Variants in MPRIP observed in about 807,000 individuals in gnomAD.
MPRIP encodes myosin phosphatase Rho interacting protein, also known as myosin phosphatase Rho-interacting protein.
A neutral mutation model predicts 234.9 loss-of-function variants in MPRIP; 59 were observed. That is an observed-to-expected ratio of 0.25 (90% CI 0.20 to 0.31). MPRIP has a LOEUF of 0.31. Among genes scored for constraint, MPRIP ranks in the 10% least tolerant of loss-of-function variants. MPRIP has a pLI of 1.00. For missense variants in MPRIP, 2,436 were observed against 3,071.0 expected (o/e 0.79, Z 4.89); for synonymous variants, 1,144 against 1,263.9 (o/e 0.91, Z 2.01).
Position 17,190,715 on chromosome 17 carries a change from A to C in MPRIP, c.*5821A>C, listed in dbSNP as rs1234691182. The C allele has an allele frequency of 6.6e-6, 1 of 152,148 alleles. No individual in the cohort carries two copies. 9.4% of individuals were successfully genotyped at this position (152,148 alleles called of 1,614,324 possible). A position where few individuals can be genotyped will look rare whatever the true frequency, so the allele number is the denominator to read the frequency against. ...AGGGTAGGGGAGTCAGTAGCTCAAC[A>C]CTAGATCATCCCTAGAGATGGGGCA... On this transcript the variant is annotated 3_prime_UTR_variant, in exon 24 of 24. Transcript: ENST00000651222.
At chr17:17,050,306 C>T (rs930862946) in intron 1 of MPRIP, among the ~76,000 whole-genome samples, 2 of 107,906 alleles carry the variant, frequency 1.9e-5, no homozygotes, top group African/African-American at 6.9e-5. Flanking sequence ...TAGAGTGAGA[C>T]TCCGTCTCAA....
Position 17,164,367 on chromosome 17 carries a change from G to A in MPRIP, c.2776G>A (p.Asp926Asn), listed in dbSNP as rs1192722293. Residue 926 changes from aspartate (D) to asparagine (N), a missense_variant, in exon 16 of 24, where the codon GAC becomes AAC. This residue lies in a region of MPRIP where 1,998 missense variants were observed against 2,520.3 expected (regional missense o/e 0.79). Coordinates refer to ENST00000651222, the MANE Select transcript of MPRIP (RefSeq NM_001364716.4). ...GCAGGCGCTGGCCAAGCTCAAGGGC[G>A]ACCTGAAGCGGGAGCAGGGCCGGGT... ...KEQALAKLKG[D>N]LKREQGRVRE... The A allele has an allele frequency of 1.2e-5, 15 of 1,296,920 alleles. No individual in the cohort carries two copies. The highest frequency in any genetic ancestry group is 2.3e-5 in the Admixed American group (1 of 43,498). 80.3% of individuals were successfully genotyped at this position (1,296,920 alleles called of 1,614,324 possible).
chr17:17,085,127 G>A (rs915790330), intron 3 of MPRIP, among the ~76,000 whole-genome samples: 6 of 152,186 alleles, frequency 3.9e-5, no homozygotes, highest in Non-Finnish European at 8.8e-5. Context: ...TGTGTGGTGC[G>A]TGGAGCCCAA....
At position 17,042,743 on chromosome 17, in the gene MPRIP, C is replaced by T. The variant is rs1223175195; in HGVS notation, c.-106C>T. 1 of 847,634 alleles carries T rather than the reference C, an allele frequency of 1.2e-6. No homozygotes were observed. Among genetic ancestry groups the T allele is most frequent in the Non-Finnish European group, 1.3e-6 (1 of 766,276 alleles). 52.5% of individuals were successfully genotyped at this position (847,634 alleles called of 1,614,324 possible). A position where few individuals can be genotyped will look rare whatever the true frequency, so the allele number is the denominator to read the frequency against. ...AGGCCGGGCCGGGCCTGCGGCGGGGCCGGCGAGGGATGCGGCGCGGCCGCG... is the reference window on the plus strand; with the variant it reads ...AGGCCGGGCCGGGCCTGCGGCGGGGTCGGCGAGGGATGCGGCGCGGCCGCG... On this transcript the variant is annotated 5_prime_UTR_variant, in exon 1 of 24. Coordinates refer to ENST00000651222, the MANE Select transcript of MPRIP (RefSeq NM_001364716.4).
At chr17:17,126,577 C>T in intron 3 of MPRIP, 125 bp from the exon 4 acceptor site, 1 of 1,107,600 alleles carries the variant, frequency 9.0e-7, no homozygotes, top group Non-Finnish European at 1.3e-6. Flanking sequence ...GGAGCTGGGG[C>T]TGGAGTGAGG....
rs1247606407 is a variant in MPRIP at position 17,174,071 on chromosome 17, ACCAGGTGAGCCTGCAG to A, written c.6750+8_6750+23del. On this transcript the variant is annotated splice_donor_variant and splice_donor_5th_base_variant and coding_sequence_variant and intron_variant, in exon 19 of 24. Transcript: ENST00000651222. LOFTEE classifies it high-confidence loss of function. ...GAGAACCAGGAGCTCAATGCCCACA[ACCAGGTGAGCCTGCAG>A]CCAGGTGAGCCCAAGGTTAGTCAGG... 4 of 1,612,946 alleles carry A rather than the reference ACCAGGTGAGCCTGCAG, an allele frequency of 2.5e-6. No homozygotes were observed. Among genetic ancestry groups the A allele is most frequent in the South Asian group, 1.1e-5 (1 of 91,062 alleles).
At chr17:17,112,259 G>A (rs889262999) in intron 3 of MPRIP, among the ~76,000 whole-genome samples, 1 of 152,174 alleles carries the variant, frequency 6.6e-6, no homozygotes, top group East Asian at 1.9e-4. Context: ...TCTCTGTCGG[G>A]ATCTCCCAGG....
rs2046175239 is a variant in MPRIP at position 17,172,886 on chromosome 17, C to T, written c.6590+71C>T. 3 of 1,385,946 alleles carry T rather than the reference C, an allele frequency of 2.2e-6. No individual in the cohort carries two copies. The East Asian group carries it at 6.9e-5, about 32-fold the overall frequency. 85.9% of individuals were successfully genotyped at this position (1,385,946 alleles called of 1,614,324 possible). A position where few individuals can be genotyped will look rare whatever the true frequency, so the allele number is the denominator to read the frequency against. ...GGGTGCTGACCAGGCCACAGCTGGG[C>T]CCTTCCTGTGTCTTTGCAGAGGCCT... On this transcript the variant is annotated intron_variant, in intron 18 of 23. Coordinates refer to ENST00000651222, the MANE Select transcript of MPRIP (RefSeq NM_001364716.4).
At chr17:17,116,880 G>A (rs1202207718) in intron 3 of MPRIP, among the ~76,000 whole-genome samples, 1 of 152,238 alleles carries the variant, frequency 6.6e-6, no homozygotes, top group Non-Finnish European at 1.5e-5. Flanking sequence ...CAAGGCAAGG[G>A]CCAGAGAGGC....
chr17:17,069,346 T>A (rs914425747), intron 1 of MPRIP, among the ~76,000 whole-genome samples: 2 of 152,216 alleles, frequency 1.3e-5, no homozygotes, highest in African/African-American at 4.8e-5. Context: ...TTGTAGACAG[T>A]GTACAGTTGA....
intron 23 of MPRIP, chr17:17,182,850 C>G (rs1044370040): frequency 6.6e-6 from 1 of 152,324 alleles, no homozygotes; most frequent in South Asian, 2.1e-4. Context: ...AAGTCCCCAA[C>G]AAGCAGGAAC....
rs543466852 is a variant in MPRIP at position 17,114,935 on chromosome 17, G to C, written c.268-11767G>C. Among the ~76,000 whole-genome samples, 8 of 152,238 alleles carry C rather than the reference G, an allele frequency of 5.3e-5. No homozygotes were observed. The East Asian group carries it at 1.5e-3, about 29-fold the overall frequency. ...AGGTCCTTGTTTTCTTATTTTCTCC[G>C]TTAAAAAAAAAGTAGTTTAGTGGTT... On this transcript the variant is annotated intron_variant, in intron 3 of 23. Transcript: ENST00000651222.
intron 1 of MPRIP, among the ~76,000 whole-genome samples, chr17:17,054,383 T>C (rs1300241676): frequency 6.6e-6 from 1 of 152,276 alleles, no homozygotes; most frequent in Non-Finnish European, 1.5e-5. Context: ...GATGACTTTT[T>C]AGTAGGCAGT....
chr17:17,102,909 T>G (rs1158422414), intron 3 of MPRIP, among the ~76,000 whole-genome samples: 2 of 152,230 alleles, frequency 1.3e-5, no homozygotes, highest in African/African-American at 4.8e-5. Context: ...TGCACCCTTC[T>G]GGGGGTGGAC....
chr17:17,174,104 T>A, intron 19 of MPRIP, 29 bp downstream of exon 19: 1 of 1,609,944 alleles, frequency 6.2e-7, no homozygotes, highest in East Asian at 2.2e-5. Context: ...GAGCCCAAGG[T>A]TAGTCAGGGG....
At chr17:17,108,130 G>C (rs750492116) in intron 3 of MPRIP, among the ~76,000 whole-genome samples, 1 of 152,224 alleles carries the variant, frequency 6.6e-6, no homozygotes, top group Non-Finnish European at 1.5e-5. Flanking sequence ...TGAGGGTTTC[G>C]TTTTCTTGTG....
intron 2 of MPRIP, chr17:17,077,799 T>G: frequency 5.5e-6 from 3 of 540,568 alleles, no homozygotes; most frequent in Non-Finnish European, 3.3e-6. Flanking sequence ...CAATCACTCA[T>G]GTGATTTGGG....
chr17:17,142,829 T>C (rs2045359265), intron 8 of MPRIP, 64 bp downstream of exon 8: 3 of 1,565,824 alleles, frequency 1.9e-6, no homozygotes, highest in African/African-American at 2.7e-5. Flanking sequence ...ATGCACCCCA[T>C]GCGCCAAGTC....
chr17:17,184,935 G>C lies in MPRIP; in HGVS notation c.*41G>C. ...GTTGAGCACGCGCCTTCCCCAGCTT[G>C]CAGCAGCACACCCCAAGCGCTGCTT... On this transcript the variant is annotated 3_prime_UTR_variant, in exon 24 of 24. Coordinates refer to ENST00000651222, the MANE Select transcript of MPRIP (RefSeq NM_001364716.4). 1 of 1,361,446 alleles carries C rather than the reference G, an allele frequency of 7.3e-7. No homozygotes were observed. The highest frequency in any genetic ancestry group is 1.1e-6 in the Non-Finnish European group (1 of 952,252). 84.3% of individuals were successfully genotyped at this position (1,361,446 alleles called of 1,614,324 possible).
Sources: gnomAD v4.1 joint callset for allele counts (sites outside exome capture counted in the v4.1 genomes callset) on GRCh38, gnomAD v4.1.1 for gene constraint, gnomAD v4.1.1 regional missense constraint, MANE v1.5 for transcripts, NCBI Gene and HGNC (gene_info 2026-07-23, HGNC 2026-07-21) for gene names.